The following CEP112 variants were observed in gnomAD, a reference collection of about 807,000 sequenced individuals.
The protein encoded by CEP112 is centrosomal protein 112.
CEP112 carries 127 observed loss-of-function variants against 153.0 expected under a neutral mutation model. That is an observed-to-expected ratio of 0.83 (90% CI 0.72 to 0.96). The LOEUF (loss-of-function observed/expected upper bound fraction) is 0.96, where lower values mean the gene tolerates loss of function less well. CEP112 is among the 40% of genes least tolerant of loss of function. The pLI, the probability that CEP112 is intolerant of heterozygous loss-of-function variation, is 0.00. For missense variants in CEP112, 1,089 were observed against 1,101.2 expected (o/e 0.99, Z 0.16); for synonymous variants, 358 against 374.4 (o/e 0.96, Z 0.51).
At position 65,969,082 on chromosome 17, in the gene CEP112, ATTTTTT is replaced by A. The variant is rs199636922; in HGVS notation, c.1737-7490_1737-7485del. On this transcript the variant is annotated intron_variant, in intron 17 of 26. Transcript: ENST00000535342. ...GTTTTTTGTTTTTTTGTGTGTGTGG[ATTTTTT>A]TTTTTTTTTTTGAGACAATGTCTTG... is the stretch of plus-strand genomic sequence containing the variant. Among the ~76,000 whole-genome samples, 131 of 141,388 alleles carry A rather than the reference ATTTTTT, an allele frequency of 9.3e-4. 3 individuals are homozygous for A. In the South Asian group the frequency reaches 9.4e-3, roughly 10 times the overall value. 92.8% of individuals were successfully genotyped at this position (141,388 alleles called of 152,430 possible).
At chr17:65,693,752 G>A (rs775909486) in intron 23 of CEP112, among the ~76,000 whole-genome samples, 6 of 152,104 alleles carry the variant, frequency 3.9e-5, no homozygotes, top group South Asian at 2.1e-4. Context: ...GACACTATCC[G>A]TGCCCCCTCC....
intron 23 of CEP112, among the ~76,000 whole-genome samples, chr17:65,703,267 C>T (rs1274938136): frequency 1.3e-5 from 2 of 151,980 alleles, no homozygotes; most frequent in Non-Finnish European, 2.9e-5. Flanking sequence ...GTGGCTCACA[C>T]TTTGGGAGGC....
intron 4 of CEP112, among the ~76,000 whole-genome samples, chr17:66,170,716 C>T (rs1219412510): frequency 1.3e-5 from 2 of 151,678 alleles, no homozygotes; most frequent in Admixed American, 6.6e-5. Context: ...TGAGCCAAGA[C>T]TGTGCCACTG....
At position 65,702,754 on chromosome 17, in the gene CEP112, T is replaced by C. The variant is rs546377178; in HGVS notation, c.2608-13536A>G. 1.2e-4 allele frequency among the ~76,000 whole-genome samples: 19 copies of C among 152,266 alleles called. No individual in the cohort carries two copies. In the East Asian group the frequency reaches 3.3e-3, roughly 26 times the overall value. On this transcript the variant is annotated intron_variant, in intron 23 of 26. Coordinates refer to ENST00000535342, the MANE Select transcript of CEP112 (RefSeq NM_001199165.4). ...GTTCCACATGGCTGGGGAGGCCTCA[T>C]AATCATGGCGGAAGGTGAATGAGGA...
At chr17:66,028,497 T>C in intron 14 of CEP112, 92 bp from the exon 15 acceptor site, 1 of 559,438 alleles carries the variant, frequency 1.8e-6, no homozygotes, top group Non-Finnish European at 3.0e-6. Flanking sequence ...TTTGTACCCC[T>C]GAAAGTCCAA....
At chr17:65,743,719 C>T (rs1268312990) in intron 22 of CEP112, among the ~76,000 whole-genome samples, 10 of 151,680 alleles carry the variant, frequency 6.6e-5, no homozygotes, top group Non-Finnish European at 1.3e-4. Flanking sequence ...ATGTCATTTA[C>T]TACTGTGAAA....
chr17:65,982,499 G>C (rs2063265166), intron 17 of CEP112, among the ~76,000 whole-genome samples: 2 of 152,164 alleles, frequency 1.3e-5, no homozygotes, highest in African/African-American at 4.8e-5. Flanking sequence ...TTCTTGAACA[G>C]ACTAGCCCAC....
At chr17:65,964,649 T>C (rs1257966306) in intron 17 of CEP112, among the ~76,000 whole-genome samples, 1 of 152,082 alleles carries the variant, frequency 6.6e-6, no homozygotes, top group Non-Finnish European at 1.5e-5. Context: ...TGGAATGTAC[T>C]ATTTAAAGGA....
At chr17:65,979,114 G>T (rs549459678) in intron 17 of CEP112, among the ~76,000 whole-genome samples, 1 of 152,282 alleles carries the variant, frequency 6.6e-6, no homozygotes, top group African/African-American at 2.4e-5. Flanking sequence ...GGTTGCAGAT[G>T]CTCAAGCAGA....
intron 13 of CEP112, 35 bp from the exon 14 acceptor site, chr17:66,029,287 A>AT (rs780904299): frequency 6.4e-7 from 1 of 1,570,760 alleles, no homozygotes; most frequent in Admixed American, 1.9e-5. Flanking sequence ...CTTTCAATGT[A>AT]TTTAAAACCA....
intron 20 of CEP112, among the ~76,000 whole-genome samples, chr17:65,852,804 T>A (rs2058011118): frequency 6.6e-6 from 1 of 151,948 alleles, no homozygotes. Flanking sequence ...TCCTAAGGTT[T>A]ATTTTGTATT....
intron 20 of CEP112, among the ~76,000 whole-genome samples, chr17:65,866,933 G>A (rs553602702): frequency 1.3e-5 from 2 of 152,142 alleles, no homozygotes; most frequent in East Asian, 3.9e-4. Flanking sequence ...CAAGAACTTG[G>A]GACCTGCCAA....
chr17:65,777,037 A>G (rs1352038366), intron 21 of CEP112, among the ~76,000 whole-genome samples: 1 of 152,186 alleles, frequency 6.6e-6, no homozygotes, highest in Non-Finnish European at 1.5e-5. Flanking sequence ...TCTGCTGTCC[A>G]GAATAAAGAC....
At chr17:65,814,171 T>A (rs1343646939) in intron 21 of CEP112, among the ~76,000 whole-genome samples, 1 of 152,162 alleles carries the variant, frequency 6.6e-6, no homozygotes, top group Middle Eastern at 3.2e-3. Context: ...TAGGGCTGCT[T>A]AGCTAGTTAT....
At chr17:65,874,120 A>C (rs2058748118) in intron 20 of CEP112, among the ~76,000 whole-genome samples, 1 of 152,150 alleles carries the variant, frequency 6.6e-6, no homozygotes. Context: ...GTTATTTGAA[A>C]TCTTTATAAA....
At chr17:65,638,325 A>G (rs985298606) in intron 25 of CEP112, among the ~76,000 whole-genome samples, 8 of 152,364 alleles carry the variant, frequency 5.3e-5, no homozygotes, top group African/African-American at 1.9e-4. Flanking sequence ...GGGCCAACTT[A>G]TACCATGGCT....
rs570746779 is a variant in CEP112, at chr17:65,864,033, C to T, written c.2164-11999G>A. On this transcript the variant is annotated intron_variant, in intron 20 of 26. Coordinates refer to ENST00000535342, the MANE Select transcript of CEP112 (RefSeq NM_001199165.4). ...GCACGCACCTGTAGTCCCAGCTACT[C>T]GGGAGGCTGAGGCAGGAGAATCGCT... is the stretch of plus-strand genomic sequence containing the variant. 3.0e-4 allele frequency among the ~76,000 whole-genome samples: 46 copies of T among 151,398 alleles called. 1 individual carries two copies. The South Asian group carries it at 7.7e-3, about 25-fold the overall frequency.
In CEP112 at chr17:65,668,538, G is replaced by A. The variant is rs567429163; in HGVS notation, c.2697+20591C>T. Among the ~76,000 whole-genome samples the A allele has an allele frequency of 1.2e-4, 19 of 152,196 alleles. No individual in the cohort carries two copies. The South Asian group carries it at 3.7e-3, about 30-fold the overall frequency. On this transcript the variant is annotated intron_variant, in intron 24 of 26. Coordinates refer to ENST00000535342, the MANE Select transcript of CEP112 (RefSeq NM_001199165.4). ...AAAAGTCTATATAATTCATAACCGC[G>A]AGGGCAGAGAAAACTCTAAAACCAC...
At chr17:65,669,734 T>C (rs1243623086) in intron 24 of CEP112, among the ~76,000 whole-genome samples, 1 of 151,908 alleles carries the variant, frequency 6.6e-6, no homozygotes, top group Non-Finnish European at 1.5e-5. Flanking sequence ...AAACCCTGTC[T>C]CTACTAAAAA....
Sources: gnomAD v4.1 joint callset for allele counts (sites outside exome capture counted in the v4.1 genomes callset) on GRCh38, gnomAD v4.1.1 for gene constraint, MANE v1.5 for transcripts, NCBI Gene and HGNC (gene_info 2026-07-23, HGNC 2026-07-21) for gene names.